TMEM150C: variants seen among roughly 807,000 people sequenced by gnomAD.
The protein encoded by TMEM150C is tentonin 3.
TMEM150C carries 10 observed loss-of-function variants against 29.9 expected under a neutral mutation model. The ratio of observed to expected loss-of-function variants is 0.33; its 90% CI spans 0.21 to 0.57. The LOEUF (loss-of-function observed/expected upper bound fraction) is 0.57. Ranked by LOEUF, TMEM150C falls within the 20% of genes least tolerant of loss-of-function variation. The pLI, the probability that TMEM150C is intolerant of heterozygous loss-of-function variation, is 0.88. For missense variants in TMEM150C, 251 were observed against 303.6 expected (o/e 0.83, Z 1.29); for synonymous variants, 101 against 112.5 (o/e 0.90, Z 0.64).
chr4:82,561,740 G>C (rs1297205613), intron 1 of TMEM150C, among the ~76,000 whole-genome samples, 166 bp downstream of exon 1: 2 of 147,178 alleles, frequency 1.4e-5, no homozygotes, highest in African/African-American at 4.9e-5. Context: ...GCTATGGGAG[G>C]GGGCCGCAGC....
rs569124479 is a variant in TMEM150C, at chr4:82,554,203, A to G, written c.-11+7703T>C. ...TATTCCTGCTACTACATGTAGGTAT[A>G]TTTTAGTTATCAGTGTTTCTATATA... On this transcript the variant is annotated intron_variant, in intron 1 of 7. Transcript: ENST00000449862. Among the ~76,000 whole-genome samples, 39 of 152,348 alleles carry G rather than the reference A, an allele frequency of 2.6e-4. 1 individual carries two copies. Among genetic ancestry groups the G allele is most frequent in the Non-Finnish European group, 1.9e-4 (13 of 68,028 alleles).
chr4:82,539,501 G>A (rs549852984), intron 1 of TMEM150C, among the ~76,000 whole-genome samples: 379 of 149,970 alleles, frequency 2.5e-3, no homozygotes, highest in Admixed American at 6.6e-3. Flanking sequence ...CGCCCAGGCT[G>A]GAGTGCAGTG....
intron 1 of TMEM150C, among the ~76,000 whole-genome samples, chr4:82,519,822 A>T (rs1724426776): frequency 1.3e-5 from 2 of 152,380 alleles, no homozygotes; most frequent in South Asian, 2.1e-4. Context: ...ATAAAAAAAT[A>T]GAACAACTAT....
intron 1 of TMEM150C, among the ~76,000 whole-genome samples, chr4:82,515,521 G>C (rs1307127240): frequency 1.3e-5 from 2 of 151,966 alleles, no homozygotes; most frequent in African/African-American, 4.8e-5. Context: ...GGCAGATTAC[G>C]AGGTCAGGAG....
intron 1 of TMEM150C, among the ~76,000 whole-genome samples, chr4:82,525,894 C>T (rs1412572399): frequency 6.6e-6 from 1 of 151,778 alleles, no homozygotes; most frequent in East Asian, 1.9e-4. Context: ...AAAAAAAAAA[C>T]ATTTTCTTTT....
intron 1 of TMEM150C, among the ~76,000 whole-genome samples, chr4:82,547,218 T>C (rs568322554): frequency 3.0e-5 from 4 of 133,596 alleles, no homozygotes; most frequent in Admixed American, 2.2e-4. Context: ...ATAACCCAAA[T>C]AAAAAATGAG....
chr4:82,556,717 AT>A (rs1397179469), intron 1 of TMEM150C, among the ~76,000 whole-genome samples: 1 of 152,110 alleles, frequency 6.6e-6, no homozygotes, highest in Non-Finnish European at 1.5e-5. Context: ...TTAAATAAGT[AT>A]ATGTATCTCA....
At chr4:82,542,491 C>T (rs1330186691) in intron 1 of TMEM150C, among the ~76,000 whole-genome samples, 1 of 152,112 alleles carries the variant, frequency 6.6e-6, no homozygotes, top group African/African-American at 2.4e-5. Context: ...GCAGGGAGAC[C>T]TTGTGAAAGT....
chr4:82,509,969 T>C (rs576385483), intron 1 of TMEM150C, among the ~76,000 whole-genome samples: 57 of 152,158 alleles, frequency 3.7e-4, no homozygotes, highest in Non-Finnish European at 1.6e-4. Flanking sequence ...ACAAACTTTC[T>C]ATTTTATCAA....
At chr4:82,529,446 C>T (rs1288666003) in intron 1 of TMEM150C, among the ~76,000 whole-genome samples, 2 of 152,008 alleles carry the variant, frequency 1.3e-5, no homozygotes, top group Non-Finnish European at 2.9e-5. Flanking sequence ...ATGTGCCATG[C>T]TTGACTAATT....
In TMEM150C at chr4:82,504,298, G is replaced by T. The variant is rs1033632633; in HGVS notation, c.80+280C>A. Among the ~76,000 whole-genome samples, 6 of 152,282 alleles carry T rather than the reference G, an allele frequency of 3.9e-5. No individual in the cohort carries two copies. The East Asian group carries it at 1.2e-3, about 29-fold the overall frequency. ...AGCTCAATGCAACCTCTGCCTCCAG[G>T]GTTCAAGCGATTCTTGTGCCTCAGC... is the stretch of plus-strand genomic sequence containing the variant. On this transcript the variant is annotated intron_variant, in intron 2 of 7. Transcript: ENST00000449862.
intron 5 of TMEM150C, among the ~76,000 whole-genome samples, chr4:82,501,626 C>G (rs1197057825): frequency 6.6e-6 from 1 of 152,120 alleles, no homozygotes; most frequent in Non-Finnish European, 1.5e-5. Flanking sequence ...CCTGATGAGC[C>G]TGACGGGAAA....
intron 1 of TMEM150C, among the ~76,000 whole-genome samples, chr4:82,552,784 C>T (rs1187437331): frequency 6.6e-6 from 1 of 152,182 alleles, no homozygotes; most frequent in Non-Finnish European, 1.5e-5. Flanking sequence ...GCCTCGCTTG[C>T]CATCTCTTCT....
At chr4:82,486,361 A>AAAAAAG (rs1553904912) in intron 7 of TMEM150C, among the ~76,000 whole-genome samples, 3 of 150,698 alleles carry the variant, frequency 2.0e-5, no homozygotes, top group African/African-American at 7.4e-5. Flanking sequence ...AAAAAAAAAA[A>AAAAAAG]AAGAAGAAAG....
chr4:82,516,714 C>T (rs975974126), intron 1 of TMEM150C, among the ~76,000 whole-genome samples: 5 of 152,132 alleles, frequency 3.3e-5, no homozygotes, highest in Admixed American at 2.0e-4. Context: ...AAGATGACTG[C>T]TTAGGAACTC....
chr4:82,488,526 C>G (rs1341567300), intron 7 of TMEM150C, among the ~76,000 whole-genome samples: 1 of 152,206 alleles, frequency 6.6e-6, no homozygotes, highest in East Asian at 1.9e-4. Flanking sequence ...ATTTTCTGTA[C>G]AATCTACCCT....
chr4:82,508,427 AC>A (rs1201028696), intron 1 of TMEM150C, among the ~76,000 whole-genome samples: 1 of 150,814 alleles, frequency 6.6e-6, no homozygotes, highest in Non-Finnish European at 1.5e-5. Context: ...ATAGGCATGC[AC>A]CGCCACACCT....
chr4:82,490,545 A>G (rs1313710422), intron 6 of TMEM150C, among the ~76,000 whole-genome samples: 1 of 152,194 alleles, frequency 6.6e-6, no homozygotes, highest in Non-Finnish European at 1.5e-5. Flanking sequence ...CCAGGATAAG[A>G]AAATTAGACC....
At chr4:82,546,147 T>C (rs1725379102) in intron 1 of TMEM150C, among the ~76,000 whole-genome samples, 1 of 152,204 alleles carries the variant, frequency 6.6e-6, no homozygotes, top group Non-Finnish European at 1.5e-5. Flanking sequence ...ATTATTAAAA[T>C]GGCTGTTCTT....
Sources: allele counts gnomAD v4.1 joint callset (sites outside exome capture counted in the v4.1 genomes callset), GRCh38; gene constraint gnomAD v4.1.1; transcripts MANE v1.5; gene names NCBI Gene and HGNC (gene_info 2026-07-23, HGNC 2026-07-21).